TXNDC12: variants seen among roughly 807,000 people sequenced by gnomAD.
The protein encoded by TXNDC12 is thioredoxin domain containing 12.
A neutral mutation model predicts 24.2 loss-of-function variants in TXNDC12; 22 were observed. The observed-to-expected ratio is 0.91, with a 90% CI of 0.65 to 1.30. The LOEUF (loss-of-function observed/expected upper bound fraction) is 1.30. TXNDC12 is among the 50% of genes most tolerant of loss of function. TXNDC12 has a pLI of 0.00. For synonymous variants in TXNDC12, 58 were observed against 73.4 expected, an observed-to-expected ratio of 0.79 and a Z score of 1.07; for missense variants, 184 against 205.8, an observed-to-expected ratio of 0.89 and a Z score of 0.65.
At chr1:52,023,649 C>A (rs2794990) in intron 5 of TXNDC12, 75 bp from the exon 6 acceptor site, 41,696 of 1,141,238 alleles carry the variant, frequency 0.037, 993 homozygotes, top group Non-Finnish European at 0.043. Flanking sequence ...CCTGGTACAT[C>A]GGGCCCTCTG....
intron 2 of TXNDC12, among the ~76,000 whole-genome samples, chr1:52,034,927 C>T (rs1685854590): frequency 6.6e-6 from 1 of 151,870 alleles, no homozygotes; most frequent in South Asian, 2.1e-4. Context: ...CCATATCTGG[C>T]TAATTTTTGT....
At chr1:52,048,035 G>C (rs1686129139) in intron 1 of TXNDC12, among the ~76,000 whole-genome samples, 1 of 152,104 alleles carries the variant, frequency 6.6e-6, no homozygotes, top group Non-Finnish European at 1.5e-5. Context: ...AAAAACAGTA[G>C]AAACTGGATA....
chr1:52,038,321 T>C (rs1416362665), intron 2 of TXNDC12, among the ~76,000 whole-genome samples: 1 of 151,926 alleles, frequency 6.6e-6, no homozygotes, highest in Non-Finnish European at 1.5e-5. Flanking sequence ...TCTTGTTTTT[T>C]TTTTTTTTGA....
intron 2 of TXNDC12, chr1:52,032,697 T>C (rs775420367): frequency 6.3e-7 from 1 of 1,595,240 alleles, no homozygotes; most frequent in Non-Finnish European, 8.5e-7. Flanking sequence ...CCTCCTCTGG[T>C]CAGTGCAGGC....
intron 1 of TXNDC12, among the ~76,000 whole-genome samples, chr1:52,048,834 G>A (rs565838322): frequency 2.5e-4 from 38 of 152,204 alleles, no homozygotes; most frequent in Non-Finnish European, 4.6e-4. Context: ...TCCAGCCTGA[G>A]TGACAGAGTG....
At chr1:52,025,882 T>G (rs1354521549) in intron 4 of TXNDC12, among the ~76,000 whole-genome samples, 1 of 151,158 alleles carries the variant, frequency 6.6e-6, no homozygotes, top group Non-Finnish European at 1.5e-5. Context: ...CAGGCTGGAG[T>G]GCAGTGGCGC....
chr1:52,034,150 A>G, intron 2 of TXNDC12: 1 of 900,294 alleles, frequency 1.1e-6, no homozygotes, highest in East Asian at 3.3e-5. Context: ...TCTTAAACCT[A>G]CTGGCTCTCA....
chr1:52,023,616 A>G (rs777133058), intron 5 of TXNDC12, 42 bp from the exon 6 acceptor site: 3 of 1,473,614 alleles, frequency 2.0e-6, no homozygotes, highest in Non-Finnish European at 2.8e-6. Context: ...AGTAATTACA[A>G]CAGACAGGTA....
Position 52,028,135 on chromosome 1 carries a change from T to C in TXNDC12, c.211+443A>G, listed in dbSNP as rs1281944375. On this transcript the variant is annotated intron_variant, in intron 3 of 6. Transcript: ENST00000371626. ...CCACTGCGCCTGGTCTTTTATACTA[T>C]TTTTTACACTCCTTTTCCATCTAGG... 2.6e-5 allele frequency among the ~76,000 whole-genome samples: 4 copies of C among 152,102 alleles called. No individual in the cohort carries two copies. In the South Asian group the frequency reaches 6.2e-4, roughly 24 times the overall value.
chr1:52,053,322 G>A (rs994982026), intron 1 of TXNDC12, among the ~76,000 whole-genome samples: 9 of 151,618 alleles, frequency 5.9e-5, no homozygotes, highest in East Asian at 3.9e-4. Context: ...CTAAACCCAC[G>A]TACCCAACAC....
intron 3 of TXNDC12, among the ~76,000 whole-genome samples, chr1:52,028,143 A>C (rs1357145982): frequency 1.3e-5 from 2 of 150,680 alleles, no homozygotes; most frequent in African/African-American, 4.9e-5. Context: ...TATTTTTTAC[A>C]CTCCTTTTCC....
At chr1:52,032,831 G>T in intron 2 of TXNDC12, 1 of 1,614,194 alleles carries the variant, frequency 6.2e-7, no homozygotes, top group Non-Finnish European at 8.5e-7. Flanking sequence ...GTCAAGGGCC[G>T]GGTAAACCGC....
chr1:52,034,258 G>A (rs1685840825), intron 2 of TXNDC12, among the ~76,000 whole-genome samples: 1 of 152,148 alleles, frequency 6.6e-6, no homozygotes, highest in African/African-American at 2.4e-5. Context: ...AAGATAAAAG[G>A]TCTGAATGGG....
intron 1 of TXNDC12, among the ~76,000 whole-genome samples, chr1:52,053,695 C>T (rs200137274): frequency 6.6e-6 from 1 of 150,702 alleles, no homozygotes; most frequent in African/African-American, 2.4e-5. Context: ...CAAAAAAAAA[C>T]GGTAGTCTGT....
At chr1:52,025,709 G>A (rs992162175) in intron 4 of TXNDC12, among the ~76,000 whole-genome samples, 1 of 152,144 alleles carries the variant, frequency 6.6e-6, no homozygotes, top group Non-Finnish European at 1.5e-5. Flanking sequence ...GCTATGGTGA[G>A]GTGTATCAGC....
At position 52,032,921 on chromosome 1, in the gene TXNDC12, C is replaced by T. The variant is rs1360772308; in HGVS notation, c.159-4291G>A. 2.5e-6 allele frequency: 4 copies of T among 1,609,542 alleles called. No homozygotes were observed. The East Asian group carries it at 6.7e-5, about 27-fold the overall frequency. On this transcript the variant is annotated intron_variant, in intron 2 of 6. Coordinates refer to ENST00000371626, the MANE Select transcript of TXNDC12 (RefSeq NM_015913.4). ...TGCGCTTCCATCAATCCGGCCAGTA[C>T]TTGACTCGTGACCTGGTCCAACTGG...
chr1:52,055,844 A>G (rs1443649365), upstream of TXNDC12: 3 of 152,278 alleles, frequency 2.0e-5, no homozygotes, highest in African/African-American at 7.2e-5. Flanking sequence ...TTAGGACACC[A>G]GGATATAAGT....
At position 52,027,866 on chromosome 1, in the gene TXNDC12, T is replaced by A. The variant is rs61112072; in HGVS notation, c.212-518A>T. Among the ~76,000 whole-genome samples, 242 of 151,914 alleles carry A rather than the reference T, an allele frequency of 1.6e-3. 8 individuals carry two copies. In the East Asian group the frequency reaches 0.043, roughly 27 times the overall value. On this transcript the variant is annotated intron_variant, in intron 3 of 6. Transcript: ENST00000371626. The stretch of plus-strand genomic sequence containing the variant: ...TATTATTTTTGAGACAGAGTCTCAC[T>A]CTGTCACCCAGGCTGGAGTACAATG...
At chr1:52,023,469 C>G (rs1021372760) in intron 6 of TXNDC12, 22 bp downstream of exon 6, 1 of 1,592,272 alleles carries the variant, frequency 6.3e-7, no homozygotes, top group Admixed American at 1.7e-5. Context: ...AATAATCCTC[C>G]CTCCCTTCAG....
Sources: allele counts gnomAD v4.1 joint callset (sites outside exome capture counted in the v4.1 genomes callset), GRCh38; gene constraint gnomAD v4.1.1; transcripts MANE v1.5; gene names NCBI Gene and HGNC (gene_info 2026-07-23, HGNC 2026-07-21).